SCRN1: variants seen among roughly 807,000 people sequenced by gnomAD.
SCRN1 encodes the protein secernin 1.
A neutral mutation model predicts 43.3 loss-of-function variants in SCRN1; 19 were observed. The observed-to-expected ratio is 0.44, with a 90% CI of 0.31 to 0.64. The LOEUF is 0.64. Ranked by LOEUF, SCRN1 falls within the 30% of genes least tolerant of loss-of-function variation. The probability of loss-of-function intolerance (pLI) is 0.09; values close to 1 mark genes in which losing one functional copy is unlikely to be tolerated. For missense variants in SCRN1, 447 were observed against 524.1 expected (o/e 0.85, Z 1.44); for synonymous variants, 183 against 188.9 (o/e 0.97, Z 0.26).
At chr7:29,971,604 C>T (rs1216468350) in intron 1 of SCRN1, among the ~76,000 whole-genome samples, 1 of 145,736 alleles carries the variant, frequency 6.9e-6, no homozygotes, top group East Asian at 2.0e-4. Context: ...ACTGCACTCT[C>T]AGCCTGGGCA....
At chr7:29,945,327 G>T (rs1583665202) in intron 3 of SCRN1, among the ~76,000 whole-genome samples, 1 of 152,138 alleles carries the variant, frequency 6.6e-6, no homozygotes, top group Non-Finnish European at 1.5e-5. Context: ...ACTGAATCAG[G>T]GGGTCCGGTC....
At chr7:29,933,395 C>T (rs756996933) in intron 6 of SCRN1, among the ~76,000 whole-genome samples, 3 of 152,132 alleles carry the variant, frequency 2.0e-5, no homozygotes, top group South Asian at 4.1e-4. Flanking sequence ...ATCAGCTTTC[C>T]GTGGCTCCAG....
intron 1 of SCRN1, chr7:29,988,623 G>A (rs1734134535): frequency 6.6e-6 from 1 of 152,464 alleles, no homozygotes; most frequent in African/African-American, 2.4e-5. Context: ...CTTCTAACCA[G>A]GCTGGGAACA....
Position 29,932,198 on chromosome 7 carries a change from G to A in SCRN1, c.905+4358C>T, listed in dbSNP as rs952229799. The stretch of plus-strand genomic sequence containing the variant: ...AAGAATTCAGAATGGAATTGGAGGG[G>A]TAGGCACCATGTTGCCTAGGGCCTT... On this transcript the variant is annotated intron_variant, in intron 6 of 7. Coordinates refer to ENST00000242059, the MANE Select transcript of SCRN1 (RefSeq NM_014766.5). Among the ~76,000 whole-genome samples, 141 of 152,278 alleles carry A rather than the reference G, an allele frequency of 9.3e-4. 1 individual carries two copies. The highest frequency in any genetic ancestry group is 3.9e-4 in the East Asian group (2 of 5,172).
rs1233061268 is a variant in SCRN1, at chr7:29,924,086, C to T, written c.1116G>A (p.Met372Ile). 3 of 1,613,674 alleles carry T rather than the reference C, an allele frequency of 1.9e-6. No individual in the cohort carries two copies. Among genetic ancestry groups the T allele is most frequent in the East Asian group, 2.2e-5 (1 of 44,882 alleles). Residue 372 changes from methionine (M) to isoleucine (I), a missense_variant, in exon 8 of 8, where the codon ATG (methionine) becomes ATA (isoleucine). Transcript: ENST00000242059. The stretch of plus-strand genomic sequence containing the variant: ...CCAGGCCTTGCTTCTCCAGCTCCAG[C>T]ATGGTGCTCCTCAGCTTGCGACCTT... ...QEQGRKLRST[M>I]LELEKQGLEA...
intron 1 of SCRN1, among the ~76,000 whole-genome samples, chr7:29,981,994 CAA>C (rs1789005712): frequency 6.6e-6 from 1 of 152,144 alleles, no homozygotes; most frequent in African/African-American, 2.4e-5. Context: ...AGGCTAGGCA[CAA>C]AGTCTTGGAG....
intron 1 of SCRN1, among the ~76,000 whole-genome samples, chr7:29,983,140 G>A (rs1178464366): frequency 6.6e-6 from 1 of 151,964 alleles, no homozygotes; most frequent in African/African-American, 2.4e-5. Context: ...CCTGGCCCAA[G>A]AAGTGTCTCT....
At chr7:29,974,394 C>A (rs1381904461) in intron 1 of SCRN1, among the ~76,000 whole-genome samples, 1 of 152,144 alleles carries the variant, frequency 6.6e-6, no homozygotes, top group Middle Eastern at 3.2e-3. Flanking sequence ...AGAGAGCACA[C>A]AATGTTTCAT....
intron 1 of SCRN1, among the ~76,000 whole-genome samples, chr7:29,975,166 C>A (rs1788775283): frequency 6.6e-6 from 1 of 152,052 alleles, no homozygotes; most frequent in Admixed American, 6.5e-5. Context: ...AATATAAAAA[C>A]TTAGAACATG....
intron 1 of SCRN1, among the ~76,000 whole-genome samples, chr7:29,986,108 C>T (rs1430555852): frequency 1.3e-5 from 2 of 152,116 alleles, no homozygotes; most frequent in Non-Finnish European, 2.9e-5. Context: ...TGGTGGCGCA[C>T]GCCTGTAATC....
intron 6 of SCRN1, among the ~76,000 whole-genome samples, chr7:29,931,127 T>C (rs1787141007): frequency 6.6e-6 from 1 of 152,244 alleles, no homozygotes; most frequent in Non-Finnish European, 1.5e-5. Context: ...TCTGTCCATT[T>C]TTCCCTCTAA....
intron 7 of SCRN1, among the ~76,000 whole-genome samples, chr7:29,925,777 A>G (rs554313528): frequency 6.6e-6 from 1 of 150,870 alleles, no homozygotes; most frequent in South Asian, 2.1e-4. Flanking sequence ...GGGAGGCAGA[A>G]GCAGGTGGAT....
intron 3 of SCRN1, among the ~76,000 whole-genome samples, chr7:29,944,590 C>A (rs554398902): frequency 2.1e-5 from 3 of 146,204 alleles, no homozygotes; most frequent in African/African-American, 7.7e-5. Context: ...TTAAGCCAAG[C>A]AGGTCGAGGC....
At chr7:29,974,726 C>G (rs1254646128) in intron 1 of SCRN1, among the ~76,000 whole-genome samples, 8 of 149,446 alleles carry the variant, frequency 5.4e-5, no homozygotes, top group African/African-American at 2.0e-4. Flanking sequence ...CTCTGTCGCC[C>G]AGGCTGGAGT....
chr7:29,971,403 C>G (rs1788661050), intron 1 of SCRN1, among the ~76,000 whole-genome samples: 1 of 152,122 alleles, frequency 6.6e-6, no homozygotes, highest in South Asian at 2.1e-4. Context: ...GAGGCCAAGG[C>G]AGGCAGATCA....
At chr7:29,933,255 T>C (rs767610283) in intron 6 of SCRN1, among the ~76,000 whole-genome samples, 4 of 152,146 alleles carry the variant, frequency 2.6e-5, no homozygotes, top group Non-Finnish European at 5.9e-5. Flanking sequence ...AACAACTATA[T>C]CTCTGAAAAA....
At chr7:29,959,046 C>T (rs955200759) in intron 2 of SCRN1, among the ~76,000 whole-genome samples, 2 of 152,122 alleles carry the variant, frequency 1.3e-5, no homozygotes, top group East Asian at 1.9e-4. Context: ...GAGATTACGT[C>T]GAAAATGAAA....
At chr7:29,980,531 T>A (rs996998534) in intron 1 of SCRN1, among the ~76,000 whole-genome samples, 1 of 152,098 alleles carries the variant, frequency 6.6e-6, no homozygotes, top group East Asian at 1.9e-4. Flanking sequence ...AACTGGGATT[T>A]AAAAAAAATT....
chr7:29,944,677 AAAAG>A lies in SCRN1; in HGVS notation c.342-502_342-499del, dbSNP rs1554356502. Among the ~76,000 whole-genome samples the A allele has an allele frequency of 2.7e-4, 41 of 150,760 alleles. No individual in the cohort carries two copies. The South Asian group carries it at 5.9e-3, about 22-fold the overall frequency. ...GACCCTGTCTCAAAAAAAAAAAAAA[AAAAG>A]AAAGAAAGAAAGAAAGAAAAAATCA... On this transcript the variant is annotated intron_variant, in intron 3 of 7. Transcript: ENST00000242059.
Sources: allele counts gnomAD v4.1 joint callset (sites outside exome capture counted in the v4.1 genomes callset), GRCh38; gene constraint gnomAD v4.1.1; transcripts MANE v1.5; gene names NCBI Gene and HGNC (gene_info 2026-07-23, HGNC 2026-07-21).